The following NRG3 variants were observed in gnomAD, a reference collection of about 807,000 sequenced individuals.
NRG3 encodes the protein pro-neuregulin-3, membrane-bound isoform.
NRG3 carries 31 observed loss-of-function variants against 66.9 expected under a neutral mutation model. That is an observed-to-expected ratio of 0.46 (90% CI 0.35 to 0.63). The LOEUF is 0.63. Ranked by LOEUF, NRG3 falls within the 20% of genes least tolerant of loss-of-function variation. NRG3 has a pLI of 0.00. For synonymous variants in NRG3, 393 were observed against 359.4 expected, an observed-to-expected ratio of 1.09 and a Z score of -1.06; for missense variants, 910 against 878.9, an observed-to-expected ratio of 1.04 and a Z score of -0.45.
intron 1 of NRG3, among the ~76,000 whole-genome samples, chr10:82,106,982 C>T (rs932650062): frequency 1.3e-5 from 2 of 152,226 alleles, no homozygotes; most frequent in Admixed American, 6.5e-5. Context: ...ACTTAAAGAA[C>T]CCCTGTAAGC....
chr10:82,016,824 A>T (rs2061806235), intron 1 of NRG3, among the ~76,000 whole-genome samples: 1 of 152,190 alleles, frequency 6.6e-6, no homozygotes, highest in East Asian at 1.9e-4. Flanking sequence ...ATATGTCCAC[A>T]TTTGACCAAT....
intron 1 of NRG3, among the ~76,000 whole-genome samples, chr10:82,138,700 A>G (rs1336008128): frequency 6.6e-6 from 1 of 152,152 alleles, no homozygotes; most frequent in Non-Finnish European, 1.5e-5. Flanking sequence ...AAGGAAGCCT[A>G]CAGTGCAGTC....
chr10:82,771,473 C>T (rs906611277), intron 3 of NRG3, among the ~76,000 whole-genome samples: 17 of 152,116 alleles, frequency 1.1e-4, no homozygotes, highest in Admixed American at 3.3e-4. Context: ...CAGTTATAGT[C>T]AGGCTCATTT....
intron 1 of NRG3, among the ~76,000 whole-genome samples, chr10:82,076,134 G>A (rs919189162): frequency 7.2e-5 from 11 of 152,042 alleles, no homozygotes; most frequent in African/African-American, 2.7e-4. Context: ...TTCTAGTTAG[G>A]GCAGCAATAC....
chr10:82,194,277 G>C (rs2074330280), intron 1 of NRG3, among the ~76,000 whole-genome samples: 1 of 152,136 alleles, frequency 6.6e-6, no homozygotes, highest in South Asian at 2.1e-4. Context: ...TTTTTGGAGT[G>C]CTGTGACAAA....
intron 3 of NRG3, among the ~76,000 whole-genome samples, chr10:82,740,890 G>A (rs2058394431): frequency 6.7e-6 from 1 of 148,516 alleles, no homozygotes; most frequent in South Asian, 2.1e-4. Flanking sequence ...GAAACTGCAA[G>A]ATAAAAAATT....
chr10:82,423,499 G>A (rs922273368), intron 2 of NRG3, among the ~76,000 whole-genome samples: 1 of 151,892 alleles, frequency 6.6e-6, no homozygotes, highest in Non-Finnish European at 1.5e-5. Flanking sequence ...GAAACTTAGA[G>A]TGAAGATTTA....
intron 1 of NRG3, among the ~76,000 whole-genome samples, chr10:81,926,274 T>C (rs1048744837): frequency 1.3e-5 from 2 of 151,968 alleles, no homozygotes; most frequent in Non-Finnish European, 2.9e-5. Flanking sequence ...CCCGCAACCA[T>C]AGCCAGATAC....
intron 1 of NRG3, among the ~76,000 whole-genome samples, chr10:82,097,649 T>G: frequency 6.6e-6 from 1 of 151,844 alleles, no homozygotes; most frequent in East Asian, 1.9e-4. Flanking sequence ...AATTGCTGGG[T>G]CATATGATAC....
intron 4 of NRG3, among the ~76,000 whole-genome samples, chr10:82,919,350 C>G (rs1224940454): frequency 6.6e-6 from 1 of 152,056 alleles, no homozygotes; most frequent in Non-Finnish European, 1.5e-5. Context: ...TACTTCTAGT[C>G]TGGCCTGCTA....
chr10:82,139,030 A>G (rs566095149), intron 1 of NRG3, among the ~76,000 whole-genome samples: 166 of 152,260 alleles, frequency 1.1e-3, no homozygotes, highest in Non-Finnish European at 2.3e-3. Context: ...TTTCAATCCA[A>G]TCAAGTTGAC....
intron 6 of NRG3, among the ~76,000 whole-genome samples, chr10:82,971,560 C>A (rs1041501102): frequency 2.6e-5 from 4 of 151,846 alleles, no homozygotes; most frequent in Admixed American, 2.6e-4. Flanking sequence ...CCTCAGCCTC[C>A]TGAGTAGCTG....
At chr10:82,936,332 A>G (rs895841202) in intron 4 of NRG3, among the ~76,000 whole-genome samples, 1 of 152,198 alleles carries the variant, frequency 6.6e-6, no homozygotes, top group Non-Finnish European at 1.5e-5. Flanking sequence ...AACTGAAGAC[A>G]TTATTAAGTA....
At chr10:81,988,313 G>A (rs1228164837) in intron 1 of NRG3, among the ~76,000 whole-genome samples, 1 of 152,114 alleles carries the variant, frequency 6.6e-6, no homozygotes, top group African/African-American at 2.4e-5. Flanking sequence ...GCTATGTTAA[G>A]GCCTCTCACT....
chr10:82,752,819 C>A (rs369806570), intron 3 of NRG3, among the ~76,000 whole-genome samples: 14 of 152,204 alleles, frequency 9.2e-5, no homozygotes, highest in East Asian at 7.7e-4. Flanking sequence ...CTTTTACCTG[C>A]CAGCACTTTG....
intron 1 of NRG3, among the ~76,000 whole-genome samples, chr10:82,309,382 G>A (rs2080907503): frequency 6.6e-6 from 1 of 151,884 alleles, no homozygotes; most frequent in South Asian, 2.1e-4. Flanking sequence ...GCCACTTGTA[G>A]TATTTCAAAG....
At chr10:82,620,454 G>A (rs1004530846) in intron 2 of NRG3, among the ~76,000 whole-genome samples, 1 of 152,076 alleles carries the variant, frequency 6.6e-6, no homozygotes, top group Admixed American at 6.6e-5. Context: ...CCTGAAGTCT[G>A]GCCCTCTCCG....
At chr10:82,011,637 T>G (rs558314886) in intron 1 of NRG3, among the ~76,000 whole-genome samples, 1 of 152,178 alleles carries the variant, frequency 6.6e-6, no homozygotes. Flanking sequence ...ACAATGGTGG[T>G]GCAGGCATTG....
intron 1 of NRG3, among the ~76,000 whole-genome samples, chr10:82,195,180 G>A (rs1321176182): frequency 6.6e-6 from 1 of 152,106 alleles, no homozygotes; most frequent in African/African-American, 2.4e-5. Flanking sequence ...CAAGAGCTCA[G>A]GCAAAATGGT....
Sources: gnomAD v4.1 joint callset for allele counts (sites outside exome capture counted in the v4.1 genomes callset) on GRCh38, gnomAD v4.1.1 for gene constraint, MANE v1.5 for transcripts, NCBI Gene and HGNC (gene_info 2026-07-23, HGNC 2026-07-21) for gene names.